BMPR1A: variants seen among roughly 807,000 people sequenced by gnomAD.
BMPR1A encodes bone morphogenetic protein receptor type 1A.
A neutral mutation model predicts 66.0 loss-of-function variants in BMPR1A; 7 were observed. The observed-to-expected ratio is 0.11, with a 90% confidence interval of 0.06 to 0.20. The LOEUF (loss-of-function observed/expected upper bound fraction) is 0.20, where lower values mean the gene tolerates loss of function less well. Among genes scored for constraint, BMPR1A ranks in the 10% least tolerant of loss-of-function variants. The pLI is 1.00. For missense variants in BMPR1A, 408 were observed against 669.1 expected (o/e 0.61, Z 4.31); for synonymous variants, 200 against 229.7 (o/e 0.87, Z 1.17).
At chr10:86,893,416 A>G (rs983924354) in intron 5 of BMPR1A, among the ~76,000 whole-genome samples, 3 of 152,202 alleles carry the variant, frequency 2.0e-5, no homozygotes, top group Admixed American at 6.5e-5. Flanking sequence ...AGTGTTTCTG[A>G]AAACCAGCTC....
At chr10:86,875,249 T>C (rs1842906496) in intron 2 of BMPR1A, among the ~76,000 whole-genome samples, 1 of 151,928 alleles carries the variant, frequency 6.6e-6, no homozygotes, top group Non-Finnish European at 1.5e-5. Context: ...GGTGCACACC[T>C]GTAATCCCAG....
intron 1 of BMPR1A, among the ~76,000 whole-genome samples, chr10:86,823,112 G>A (rs554012479): frequency 1.3e-5 from 2 of 152,190 alleles, no homozygotes; most frequent in African/African-American, 2.4e-5. Context: ...AAATCAACCA[G>A]CAAGTGTTTG....
chr10:86,891,625 T>C (rs1843151074), intron 4 of BMPR1A, among the ~76,000 whole-genome samples: 1 of 152,200 alleles, frequency 6.6e-6, no homozygotes, highest in South Asian at 2.1e-4. Flanking sequence ...TCTCCCTGTT[T>C]TCCCATCATA....
At chr10:86,848,246 G>A (rs914472237) in intron 2 of BMPR1A, among the ~76,000 whole-genome samples, 1 of 151,324 alleles carries the variant, frequency 6.6e-6, no homozygotes, top group East Asian at 1.9e-4. Context: ...AGTTATTCTT[G>A]ATTTTCAGAT....
chr10:86,869,496 C>T (rs1385928917), intron 2 of BMPR1A, among the ~76,000 whole-genome samples: 2 of 150,456 alleles, frequency 1.3e-5, no homozygotes, highest in African/African-American at 4.9e-5. Flanking sequence ...GTGGCTCACA[C>T]CTGTAATCTC....
intron 1 of BMPR1A, among the ~76,000 whole-genome samples, chr10:86,823,220 G>GTAT (rs1402521587): frequency 6.6e-6 from 1 of 152,190 alleles, no homozygotes; most frequent in Non-Finnish European, 1.5e-5. Context: ...ACAGCTGCTT[G>GTAT]TATTATTCTC....
At chr10:86,788,034 A>C (rs1841543182) in intron 1 of BMPR1A, among the ~76,000 whole-genome samples, 1 of 152,176 alleles carries the variant, frequency 6.6e-6, no homozygotes, top group Non-Finnish European at 1.5e-5. Flanking sequence ...AATTTGACTA[A>C]ATACATATTT....
intron 3 of BMPR1A, among the ~76,000 whole-genome samples, chr10:86,886,830 T>G (rs1330423205): frequency 5.5e-4 from 1 of 1,832 alleles, no homozygotes; most frequent in African/African-American, 3.3e-3. Flanking sequence ...TTTTGTCACT[T>G]TTTTTTTTTT....
At position 86,908,955 on chromosome 10, in the gene BMPR1A, A is replaced by G. The variant is rs535211303; in HGVS notation, c.531-3285A>G. The stretch of plus-strand genomic sequence containing the variant: ...CAGGGAGCATTTCCTCTACATCCCC[A>G]AGAGGCAGAGGGACTTTGCTGCTTC... On this transcript the variant is annotated intron_variant, in intron 7 of 12. Coordinates refer to ENST00000372037, the MANE Select transcript of BMPR1A (RefSeq NM_004329.3). 3.6e-4 allele frequency among the ~76,000 whole-genome samples: 55 copies of G among 152,256 alleles called. 1 individual carries two copies. Among genetic ancestry groups the G allele is most frequent in the Non-Finnish European group, 6.8e-4 (46 of 68,014 alleles).
At chr10:86,815,741 A>G (rs2354353) in intron 1 of BMPR1A, among the ~76,000 whole-genome samples, 74,167 of 152,044 alleles carry the variant, frequency 0.49, 19,218 homozygotes, top group East Asian at 0.77. Context: ...CCAAGTGCCT[A>G]CCTGTGGCAG....
rs563386456 is a variant in BMPR1A, at chr10:86,896,272, T to C, written c.334-3522T>C. On this transcript the variant is annotated intron_variant, in intron 5 of 12. Transcript: ENST00000372037. Reference sequence around the variant, plus strand: ...CCACTCTAGTGTGCGGAGTGATAGCTAGATCTTCTATCATAAAAAAAAAGA... The same window carrying C: ...CCACTCTAGTGTGCGGAGTGATAGCCAGATCTTCTATCATAAAAAAAAAGA... Among the ~76,000 whole-genome samples, 67 of 151,550 alleles carry C rather than the reference T, an allele frequency of 4.4e-4. 1 individual carries two copies. The highest frequency in any genetic ancestry group is 1.4e-3 in the Admixed American group (21 of 15,240).
intron 1 of BMPR1A, among the ~76,000 whole-genome samples, chr10:86,805,004 C>T (rs191852450): frequency 3.9e-5 from 6 of 152,090 alleles, no homozygotes; most frequent in South Asian, 2.1e-4. Flanking sequence ...TAGCCTCAGG[C>T]GTTCCTTGGG....
intron 7 of BMPR1A, among the ~76,000 whole-genome samples, chr10:86,901,636 A>G (rs1843311628): frequency 1.3e-5 from 2 of 152,212 alleles, no homozygotes; most frequent in African/African-American, 4.8e-5. Flanking sequence ...CTGTTAGATA[A>G]AGAAGTTTAA....
intron 5 of BMPR1A, among the ~76,000 whole-genome samples, chr10:86,896,436 TAC>T (rs1008791429): frequency 5.9e-5 from 9 of 152,210 alleles, no homozygotes; most frequent in Non-Finnish European, 1.0e-4. Flanking sequence ...CTTAAAGACA[TAC>T]AGTTATAGGA....
chr10:86,808,784 T>C (rs1268703943), intron 1 of BMPR1A, among the ~76,000 whole-genome samples: 1 of 152,212 alleles, frequency 6.6e-6, no homozygotes, highest in Non-Finnish European at 1.5e-5. Flanking sequence ...GAATTTTGCC[T>C]CAATTTATGG....
chr10:86,892,751 T>A (rs1843170759), intron 5 of BMPR1A, among the ~76,000 whole-genome samples: 1 of 151,520 alleles, frequency 6.6e-6, no homozygotes, highest in Non-Finnish European at 1.5e-5. Flanking sequence ...CTTTGTTCTC[T>A]ACTTGGGAGG....
chr10:86,824,970 GAAAT>G (rs1396170046), intron 1 of BMPR1A, among the ~76,000 whole-genome samples: 1 of 151,812 alleles, frequency 6.6e-6, no homozygotes, highest in Non-Finnish European at 1.5e-5. Context: ...GCATCATTAG[GAAAT>G]AAATCTATTT....
intron 1 of BMPR1A, among the ~76,000 whole-genome samples, chr10:86,772,126 GTTTTTTTTTTT>G (rs777280640): frequency 3.4e-5 from 3 of 88,872 alleles, no homozygotes; most frequent in Non-Finnish European, 6.2e-5. Flanking sequence ...TCAGAGATAG[GTTTTTTTTTTT>G]TTTTTTTTTT....
intron 3 of BMPR1A, among the ~76,000 whole-genome samples, chr10:86,878,128 G>T (rs1045595068): frequency 1.3e-5 from 2 of 152,116 alleles, no homozygotes; most frequent in Admixed American, 1.3e-4. Flanking sequence ...ATTGTAGAAT[G>T]GTATTAATGG....
Sources: allele counts gnomAD v4.1 joint callset (sites outside exome capture counted in the v4.1 genomes callset), GRCh38; gene constraint gnomAD v4.1.1; transcripts MANE v1.5; gene names NCBI Gene and HGNC (gene_info 2026-07-23, HGNC 2026-07-21).